ZNF737: variants seen among roughly 807,000 people sequenced by gnomAD.
The protein encoded by ZNF737 is zinc finger protein 102 (Y3).
Under a neutral mutation model 11.7 loss-of-function variants are expected in ZNF737, and 13 were observed. The observed-to-expected ratio is 1.11, with a 90% CI of 0.73 to 1.77. ZNF737 has a LOEUF of 1.77. Ranked by LOEUF, ZNF737 falls within the 40% of genes most tolerant of loss-of-function variation. ZNF737 has a pLI of 0.00. For missense variants in ZNF737, 636 were observed against 638.0 expected (o/e 1.00, Z 0.03); for synonymous variants, 217 against 216.2 (o/e 1.00, Z -0.03).
chr19:20,544,606 C>T lies in ZNF737; in HGVS notation c.1597G>A (p.Gly533Arg). 1 of 1,601,986 alleles carries T rather than the reference C, an allele frequency of 6.2e-7. No individual in the cohort carries two copies. Among genetic ancestry groups the T allele is most frequent in the South Asian group, 1.1e-5 (1 of 89,956 alleles). ...TLTTHKVIHT[G>R]EKL Reference sequence around the variant, plus strand: ...ATTCCTCACATTTATAGTTTCTCTCCAGTATGAATTACCTTATGTGTAGTA... The same window carrying T: ...ATTCCTCACATTTATAGTTTCTCTCTAGTATGAATTACCTTATGTGTAGTA... Residue 533 changes from glycine (G) to arginine (R), a missense_variant, in exon 4 of 4, where the codon GGA becomes AGA. Gly to Arg is a moderately radical substitution (Grantham distance 125). Coordinates refer to ENST00000427401, the MANE Select transcript of ZNF737 (RefSeq NM_001159293.2).
At chr19:20,553,959 C>G in intron 1 of ZNF737, 124 bp from the exon 2 acceptor site, 1 of 1,145,986 alleles carries the variant, frequency 8.7e-7, no homozygotes, top group Non-Finnish European at 1.2e-6. Context: ...CTAAAATTAT[C>G]CAATAAAATA....
intron 1 of ZNF737, chr19:20,563,964 G>A (rs1174488792): frequency 6.6e-6 from 1 of 151,954 alleles, no homozygotes; most frequent in East Asian, 1.9e-4. Context: ...AGAAGATCAC[G>A]ACCATTTTGG....
chr19:20,551,934 A>G (rs1430422002), intron 3 of ZNF737, among the ~76,000 whole-genome samples: 5 of 148,722 alleles, frequency 3.4e-5, no homozygotes, highest in African/African-American at 1.3e-4. Context: ...ATTTACATGA[A>G]AATAAACTCT....
downstream of ZNF737, among the ~76,000 whole-genome samples, chr19:20,536,957 G>T (rs1311960198): frequency 6.6e-6 from 1 of 151,760 alleles, no homozygotes; most frequent in Non-Finnish European, 1.5e-5. Context: ...AATAAAATCA[G>T]CTGGGCGTGG....
chr19:20,532,107 G>A (rs1175696666), downstream of ZNF737, among the ~76,000 whole-genome samples: 1 of 150,130 alleles, frequency 6.7e-6, no homozygotes, highest in East Asian at 2.0e-4. Context: ...ATCTGTCCAG[G>A]ACAGTATTTC....
intron 1 of ZNF737, among the ~76,000 whole-genome samples, chr19:20,555,826 C>CTTTT (rs144778054): frequency 0.077 from 11,387 of 148,728 alleles, 473 homozygotes; most frequent in South Asian, 0.14. Flanking sequence ...AAAGAAAAGC[C>CTTTT]TTTTTTTTTT....
the ZNF737 span, among the ~76,000 whole-genome samples, chr19:20,530,491 G>A: frequency 1.3e-5 from 2 of 148,376 alleles, no homozygotes; most frequent in Non-Finnish European, 3.0e-5. Flanking sequence ...GCCGGGTGGA[G>A]GGGCTCCTCA....
chr19:20,565,743 A>C lies in ZNF737; in HGVS notation c.-103T>G, dbSNP rs1203224414. 4 of 1,562,194 alleles carry C rather than the reference A, an allele frequency of 2.6e-6. No individual in the cohort carries two copies. Among genetic ancestry groups the C allele is most frequent in the African/African-American group, 2.7e-5 (2 of 73,916 alleles). On this transcript the variant is annotated 5_prime_UTR_variant, in exon 1 of 4. Transcript: ENST00000427401. ...GGGCCTCTAGGAGCAGAGGACACAC[A>C]GCAGTGAAGACAAGACCTGGAGCTC...
intron 1 of ZNF737, among the ~76,000 whole-genome samples, chr19:20,554,420 G>A (rs2021180): frequency 6.6e-6 from 1 of 151,956 alleles, no homozygotes; most frequent in Non-Finnish European, 1.5e-5. Flanking sequence ...AGAAAAATAT[G>A]TAGAAAAAAT....
In ZNF737 at chr19:20,539,762, A is replaced by C; in HGVS notation, c.*4830T>G. On this transcript the variant is annotated 3_prime_UTR_variant, in exon 4 of 4. Transcript: ENST00000427401. ...TTTTTGAAGTAAGTTCAATTTTAGG[A>C]CATTACCCACTGGTCTTCATGGCAT... The C allele has an allele frequency of 5.1e-6, 5 of 985,402 alleles. No individual in the cohort carries two copies. The highest frequency in any genetic ancestry group is 6.0e-6 in the Non-Finnish European group (5 of 829,914). The allele number at this position is 985,402 out of a possible 1,614,324, so 61.0% of individuals were successfully genotyped here.
At chr19:20,558,363 TAAAG>T (rs1555761684) in intron 1 of ZNF737, among the ~76,000 whole-genome samples, 1 of 151,778 alleles carries the variant, frequency 6.6e-6, no homozygotes, top group Non-Finnish European at 1.5e-5. Context: ...CTCAAAAATA[TAAAG>T]AAAGTGGCCT....
chr19:20,548,045 G>T (rs2545948), intron 3 of ZNF737, among the ~76,000 whole-genome samples: 8,081 of 152,122 alleles, frequency 0.053, 267 homozygotes, highest in East Asian at 0.19. Context: ...GGGAGGCTGA[G>T]ACAGGAGAAT....
rs12975493 is a variant in ZNF737, at chr19:20,538,921, A to G, written c.*5671T>C. 1.5e-3 allele frequency: 1,472 copies of G among 985,270 alleles called. 4 individuals are homozygous for G. The highest frequency in any genetic ancestry group is 1.7e-3 in the Non-Finnish European group (1,437 of 829,874). The allele number at this position is 985,270 out of a possible 1,614,324, so 61.0% of individuals were successfully genotyped here. A position where few individuals can be genotyped will look rare whatever the true frequency, so the allele number is the denominator to read the frequency against. ...TTAATTCACTCTAAATTGAGACTAC[A>G]TTTACAATCTTCAGTTTTTCAGTGT... On this transcript the variant is annotated 3_prime_UTR_variant, in exon 4 of 4. Transcript: ENST00000427401.
At chr19:20,554,090 G>A (rs1226702333) in intron 1 of ZNF737, among the ~76,000 whole-genome samples, 1 of 152,184 alleles carries the variant, frequency 6.6e-6, no homozygotes, top group Non-Finnish European at 1.5e-5. Context: ...GTATGAACAC[G>A]AACATGTACA....
At chr19:20,552,449 C>T (rs782356542) in intron 3 of ZNF737, 26 bp downstream of exon 3, 87 of 1,518,654 alleles carry the variant, frequency 5.7e-5, no homozygotes, top group Middle Eastern at 3.5e-4. Context: ...GTGTCGTCTG[C>T]TATATTCATT....
downstream of ZNF737, among the ~76,000 whole-genome samples, chr19:20,536,566 T>C (rs1158446412): frequency 3.9e-5 from 6 of 152,060 alleles, no homozygotes; most frequent in Non-Finnish European, 5.9e-5. Flanking sequence ...ATCCAGCACT[T>C]TGAGAGGCCG....
rs1389404819 is a variant in ZNF737 at position 20,539,299 on chromosome 19, AAAAG to A, written c.*5289_*5292del. On this transcript the variant is annotated 3_prime_UTR_variant, in exon 4 of 4. Transcript: ENST00000427401. Reference sequence around the variant, plus strand: ...AGTGAGAATCCTTCTAAAAAAAAAAAAAAGAAATTCTTTCTTCAATTACTTGGAA... The same window carrying A: ...AGTGAGAATCCTTCTAAAAAAAAAAAAAATTCTTTCTTCAATTACTTGGAA... 46 of 983,962 alleles carry A rather than the reference AAAAG, an allele frequency of 4.7e-5. No homozygotes were observed. Among genetic ancestry groups the A allele is most frequent in the South Asian group, 4.2e-4 (9 of 21,252 alleles). The allele number at this position is 983,962 out of a possible 1,614,324, so 61.0% of individuals were successfully genotyped here. A position where few individuals can be genotyped will look rare whatever the true frequency, so the allele number is the denominator to read the frequency against.
chr19:20,543,609 A>T lies in ZNF737; in HGVS notation c.*983T>A, dbSNP rs1417413444. ...AAGAACTGATTAAAAGTTTTGCCAC[A>T]TTCTTCACACTTGTAGGAGTTTTGC... On this transcript the variant is annotated 3_prime_UTR_variant, in exon 4 of 4. Coordinates refer to ENST00000427401, the MANE Select transcript of ZNF737 (RefSeq NM_001159293.2). 1.0e-6 allele frequency: 1 copy of T among 985,456 alleles called. No homozygotes were observed. Among genetic ancestry groups the T allele is most frequent in the Non-Finnish European group, 1.2e-6 (1 of 829,954 alleles). 61.0% of individuals were successfully genotyped at this position (985,456 alleles called of 1,614,324 possible).
At chr19:20,565,553 G>A in intron 1 of ZNF737, 85 bp downstream of exon 1, 2 of 1,604,744 alleles carry the variant, frequency 1.2e-6, no homozygotes, top group Non-Finnish European at 1.7e-6. Context: ...TGACTGCGCA[G>A]AGGCCTGAGT....
Sources: allele counts gnomAD v4.1 joint callset (sites outside exome capture counted in the v4.1 genomes callset), GRCh38; gene constraint gnomAD v4.1.1; transcripts MANE v1.5; gene names NCBI Gene and HGNC (gene_info 2026-07-23, HGNC 2026-07-21).